The following GNG7 variants were observed in gnomAD, a reference collection of about 807,000 sequenced individuals.
GNG7 encodes the protein G protein subunit gamma 7.
Under a neutral mutation model 4.0 loss-of-function variants are expected in GNG7, and 1 was observed. That is an observed-to-expected ratio of 0.25 (90% confidence interval 0.09 to 1.18). The LOEUF (loss-of-function observed/expected upper bound fraction) is 1.18, where lower values mean the gene tolerates loss of function less well. GNG7 is among the 50% of genes most tolerant of loss of function. GNG7 has a pLI of 0.50. For synonymous variants in GNG7, 34 were observed against 36.9 expected (o/e 0.92, Z 0.29); for missense variants, 86 against 91.9 (o/e 0.94, Z 0.26).
intron 2 of GNG7, among the ~76,000 whole-genome samples, chr19:2,627,607 A>G (rs1982053147): frequency 6.6e-6 from 1 of 152,224 alleles, no homozygotes; most frequent in Admixed American, 6.5e-5. Flanking sequence ...CCAGAGGGTG[A>G]CTGGCTCGAG....
intron 2 of GNG7, among the ~76,000 whole-genome samples, chr19:2,630,178 G>C (rs1439728052): frequency 6.6e-6 from 1 of 152,144 alleles, no homozygotes; most frequent in Non-Finnish European, 1.5e-5. Context: ...CCAGAAAAAG[G>C]GAGTGAAGGT....
At chr19:2,589,171 G>A (rs376568303) in intron 2 of GNG7, among the ~76,000 whole-genome samples, 10 of 151,150 alleles carry the variant, frequency 6.6e-5, no homozygotes, top group South Asian at 4.2e-4. Flanking sequence ...CAGGTGATCC[G>A]CCTGCCTCAG....
chr19:2,573,769 G>C (rs2144783535), intron 2 of GNG7, among the ~76,000 whole-genome samples: 1 of 152,270 alleles, frequency 6.6e-6, no homozygotes, highest in South Asian at 2.1e-4. Flanking sequence ...CTTGAACCTG[G>C]GAGGCGGAGG....
At chr19:2,519,258 C>A (rs1330967681) in intron 4 of GNG7, among the ~76,000 whole-genome samples, 2 of 141,526 alleles carry the variant, frequency 1.4e-5, no homozygotes, top group East Asian at 4.4e-4. Context: ...TCAAGTGATT[C>A]TCCTGCCTCA....
rs531379277 is a variant in GNG7, at chr19:2,596,674, C to A, written c.-77-41486G>T. Among the ~76,000 whole-genome samples, 9 of 148,774 alleles carry A rather than the reference C, an allele frequency of 6.0e-5. No individual in the cohort carries two copies. In the East Asian group the frequency reaches 7.9e-4, roughly 13 times the overall value. ...ACAAAGTGAGACCCTGTCCCCCCCCCAAAAAAAAAAGTGGGCAAATATCGA... is the reference window on the plus strand; with the variant it reads ...ACAAAGTGAGACCCTGTCCCCCCCCAAAAAAAAAAAGTGGGCAAATATCGA... On this transcript the variant is annotated intron_variant, in intron 2 of 4. Coordinates refer to ENST00000382159, the MANE Select transcript of GNG7 (RefSeq NM_052847.3).
rs112351144 is a variant in GNG7, at chr19:2,514,735, G to A, written c.*287C>T. On this transcript the variant is annotated 3_prime_UTR_variant, in exon 5 of 5. Coordinates refer to ENST00000382159, the MANE Select transcript of GNG7 (RefSeq NM_052847.3). Reference sequence around the variant, plus strand: ...CTGGGGGATTTCAGTTATTCCGAACGGGAAGTGGCCGTAAAGCCTCCATCC... The same window carrying A: ...CTGGGGGATTTCAGTTATTCCGAACAGGAAGTGGCCGTAAAGCCTCCATCC... 14 of 234,926 alleles carry A rather than the reference G, an allele frequency of 6.0e-5. No individual in the cohort carries two copies. In the East Asian group the frequency reaches 8.5e-4, roughly 14 times the overall value. The allele number at this position is 234,926 out of a possible 1,614,324, so 14.6% of individuals were successfully genotyped here.
intron 2 of GNG7, among the ~76,000 whole-genome samples, chr19:2,590,837 C>T (rs1269639922): frequency 6.6e-6 from 1 of 150,646 alleles, no homozygotes; most frequent in Non-Finnish European, 1.5e-5. Flanking sequence ...ATCCATCCAT[C>T]CACTCATCCA....
At chr19:2,630,783 A>G (rs1158208796) in intron 2 of GNG7, 1 of 151,256 alleles carries the variant, frequency 6.6e-6, no homozygotes. Flanking sequence ...ACTACATCCA[A>G]ACTTCTGACC....
chr19:2,623,246 G>A (rs190754972), intron 2 of GNG7, among the ~76,000 whole-genome samples: 2 of 152,198 alleles, frequency 1.3e-5, no homozygotes. Context: ...CTTGAGCATG[G>A]GCATTTGAGG....
intron 1 of GNG7, among the ~76,000 whole-genome samples, chr19:2,660,999 G>A (rs141876439): frequency 0.016 from 2,394 of 151,306 alleles, 31 homozygotes; most frequent in Middle Eastern, 0.024. Flanking sequence ...ATCACCTGAG[G>A]TTGGGAGTTC....
intron 2 of GNG7, among the ~76,000 whole-genome samples, chr19:2,629,544 C>A (rs1055338506): frequency 1.8e-4 from 28 of 152,146 alleles, no homozygotes; most frequent in Non-Finnish European, 4.0e-4. Context: ...AGTGCCACCC[C>A]CTCCCCACGA....
At position 2,633,487 on chromosome 19, in the gene GNG7, G is replaced by GCGCGCGCA. The variant is rs1250581952; in HGVS notation, c.-78+12736_-78+12737insTGCGCGCG. ...TAGCAACAGGCGCGCGCGCGCGCGC[G>GCGCGCGCA]CACACACACACACACACACACACAC... is the stretch of plus-strand genomic sequence containing the variant. On this transcript the variant is annotated intron_variant, in intron 2 of 4. Transcript: ENST00000382159. The surrounding 1 kb of genome is among the most constrained non-coding windows in gnomAD (Gnocchi z 5.9). Among the ~76,000 whole-genome samples, 58 of 103,792 alleles carry GCGCGCGCA rather than the reference G, an allele frequency of 5.6e-4. No individual in the cohort carries two copies. Among genetic ancestry groups the GCGCGCGCA allele is most frequent in the African/African-American group, 2.1e-3 (54 of 25,514 alleles). 68.1% of individuals were successfully genotyped at this position (103,792 alleles called of 152,430 possible).
chr19:2,556,063 T>C (rs1281900748), intron 2 of GNG7, among the ~76,000 whole-genome samples: 2 of 152,198 alleles, frequency 1.3e-5, no homozygotes, highest in Non-Finnish European at 2.9e-5. Flanking sequence ...GCCTCCTATT[T>C]CGTGGACAAG....
At chr19:2,554,333 C>A (rs985867200) in intron 3 of GNG7, among the ~76,000 whole-genome samples, 1 of 148,272 alleles carries the variant, frequency 6.7e-6, no homozygotes, top group Non-Finnish European at 1.5e-5. Context: ...ATGACAGGCA[C>A]GTGCCACCAC....
At chr19:2,519,787 T>C (rs1228931462) in intron 4 of GNG7, among the ~76,000 whole-genome samples, 1 of 152,114 alleles carries the variant, frequency 6.6e-6, no homozygotes, top group Non-Finnish European at 1.5e-5. Flanking sequence ...GCACCAACTC[T>C]TCCCTGGGTC....
chr19:2,655,929 G>A (rs1249315538), intron 1 of GNG7, among the ~76,000 whole-genome samples: 1 of 149,712 alleles, frequency 6.7e-6, no homozygotes, highest in Non-Finnish European at 1.5e-5. Context: ...GGAGACTGAG[G>A]CAGGAGAATC....
rs558708030 is a variant in GNG7, at chr19:2,633,045, C to A, written c.-78+13179G>T. On this transcript the variant is annotated intron_variant, in intron 2 of 4. Coordinates refer to ENST00000382159, the MANE Select transcript of GNG7 (RefSeq NM_052847.3). The surrounding 1 kb of genome is among the most constrained non-coding windows in gnomAD (Gnocchi z 5.9). ...CCACCTTGGGCCTCCCCAGGCTGCA[C>A]CTTAACCATCTATGACACGCATCCC... Among the ~76,000 whole-genome samples, 2 of 152,220 alleles carry A rather than the reference C, an allele frequency of 1.3e-5. No homozygotes were observed. Among genetic ancestry groups the A allele is most frequent in the African/African-American group, 4.8e-5 (2 of 41,456 alleles).
intron 1 of GNG7, among the ~76,000 whole-genome samples, chr19:2,656,052 GA>G (rs56022655): frequency 4.4e-5 from 6 of 137,282 alleles, no homozygotes; most frequent in Non-Finnish European, 6.1e-5. Context: ...AAGAAAGAAA[GA>G]AAAAAAAAAG....
intron 2 of GNG7, among the ~76,000 whole-genome samples, chr19:2,568,200 T>C (rs866909541): frequency 2.3e-5 from 3 of 129,196 alleles, no homozygotes; most frequent in African/African-American, 1.1e-4. Context: ...TACACACACA[T>C]ATAGACATAC....
Sources: gnomAD v4.1 joint callset for allele counts (sites outside exome capture counted in the v4.1 genomes callset) on GRCh38, gnomAD v4.1.1 for gene constraint, Gnocchi (gnomAD v3.1) non-coding constraint, MANE v1.5 for transcripts, NCBI Gene and HGNC (gene_info 2026-07-23, HGNC 2026-07-21) for gene names.